Variants in CUX1 observed in about 807,000 individuals in gnomAD.
CUX1 encodes the protein protein CASP.
In CUX1, 31 loss-of-function variants were observed where a neutral mutation model predicts 158.8. The observed-to-expected ratio is 0.20, with a 90% confidence interval of 0.15 to 0.26. CUX1 has a LOEUF of 0.26. Among genes scored for constraint, CUX1 ranks in the 10% least tolerant of loss-of-function variants. The probability of loss-of-function intolerance (pLI) is 1.00; values close to 1 mark genes in which losing one functional copy is unlikely to be tolerated. For synonymous variants in CUX1, 879 were observed against 862.1 expected (o/e 1.02, Z -0.34); for missense variants, 1,589 against 2,014.6 (o/e 0.79, Z 4.04).
intron 1 of CUX1, among the ~76,000 whole-genome samples, chr7:101,836,399 A>T (rs771553696): frequency 6.6e-6 from 1 of 151,754 alleles, no homozygotes; most frequent in Non-Finnish European, 1.5e-5. Flanking sequence ...ATACAGTGAG[A>T]CCCCATCTCT....
intron 3 of CUX1, among the ~76,000 whole-genome samples, chr7:102,036,669 G>A (rs1186215062): frequency 1.3e-5 from 2 of 151,398 alleles, no homozygotes; most frequent in African/African-American, 2.4e-5. Context: ...TTGAACCCGG[G>A]AAGCAGAGGT....
At chr7:102,137,208 T>A (rs1304641043) in intron 8 of CUX1, among the ~76,000 whole-genome samples, 1 of 152,220 alleles carries the variant, frequency 6.6e-6, no homozygotes, top group Non-Finnish European at 1.5e-5. Flanking sequence ...CTCCAATGAT[T>A]TCCCCTCTGT....
intron 1 of CUX1, among the ~76,000 whole-genome samples, chr7:101,847,789 C>A (rs1375707811): frequency 6.6e-6 from 1 of 151,654 alleles, no homozygotes; most frequent in Non-Finnish European, 1.5e-5. Flanking sequence ...CTTTAAAGGC[C>A]AGGCATGGTG....
At chr7:101,969,982 C>CAAAAAA (rs34167642) in intron 2 of CUX1, among the ~76,000 whole-genome samples, 1 of 55,652 alleles carries the variant, frequency 1.8e-5, no homozygotes, top group African/African-American at 7.8e-5. Context: ...GAGTTAGCAC[C>CAAAAAA]AAAAAAAAAA....
chr7:101,836,351 G>A (rs1794628135), intron 1 of CUX1, among the ~76,000 whole-genome samples: 1 of 152,100 alleles, frequency 6.6e-6, no homozygotes, highest in South Asian at 2.1e-4. Flanking sequence ...CAGGCAGGTG[G>A]ATCGCTTGAG....
intron 20 of CUX1, among the ~76,000 whole-genome samples, chr7:102,212,599 C>T (rs1032866891): frequency 2.6e-5 from 4 of 152,190 alleles, no homozygotes; most frequent in African/African-American, 7.2e-5. Context: ...TTCAAACTTA[C>T]AGTCTTTTTA....
intron 8 of CUX1, among the ~76,000 whole-genome samples, chr7:102,143,762 G>T (rs380967): frequency 0.062 from 9,486 of 152,206 alleles, 357 homozygotes; most frequent in African/African-American, 0.072. Context: ...GCACAGGACG[G>T]CCACTTCTTC....
intron 21 of CUX1, among the ~76,000 whole-genome samples, chr7:102,229,042 G>A (rs1403165751): frequency 3.3e-5 from 5 of 152,200 alleles, no homozygotes; most frequent in Non-Finnish European, 7.3e-5. Context: ...CACCAGGCCC[G>A]ACTGGTAATA....
upstream of CUX1, among the ~76,000 whole-genome samples, chr7:101,816,574 G>A (rs1791825420): frequency 7.1e-6 from 1 of 140,926 alleles, no homozygotes; most frequent in Non-Finnish European, 1.6e-5. Flanking sequence ...GGTGGCGCCC[G>A]CCCGCCCGCT....
At chr7:101,895,902 G>GTTTTTTTTT (rs1193952295) in intron 1 of CUX1, among the ~76,000 whole-genome samples, 4 of 40,440 alleles carry the variant, frequency 9.9e-5, no homozygotes, top group African/African-American at 3.8e-4. Context: ...TTTTTTTTTT[G>GTTTTTTTTT]TTTTTGTTTT....
chr7:102,265,796 G>A (rs2132762239), intron 14 of CUX1, among the ~76,000 whole-genome samples: 1 of 152,182 alleles, frequency 6.6e-6, no homozygotes, highest in African/African-American at 2.4e-5. Context: ...GCAGAGGGAG[G>A]CCAATGAGGA....
At chr7:101,830,681 T>G (rs1562898463) in intron 1 of CUX1, among the ~76,000 whole-genome samples, 1 of 152,074 alleles carries the variant, frequency 6.6e-6, no homozygotes, top group African/African-American at 2.4e-5. Flanking sequence ...GGTCTCAAAC[T>G]CCTAGGCTCA....
At chr7:101,827,782 A>G (rs2130988009) in intron 1 of CUX1, among the ~76,000 whole-genome samples, 1 of 152,230 alleles carries the variant, frequency 6.6e-6, no homozygotes, top group East Asian at 1.9e-4. Context: ...AGTTGTAAGG[A>G]AGAGAGAATA....
chr7:102,110,549 G>A (rs1437443230), intron 6 of CUX1, among the ~76,000 whole-genome samples: 10 of 152,092 alleles, frequency 6.6e-5, no homozygotes, highest in Admixed American at 3.3e-4. Flanking sequence ...ACCCTATAAC[G>A]TGTTACATAG....
chr7:102,076,064 C>G (rs921345834), intron 4 of CUX1, among the ~76,000 whole-genome samples: 7 of 148,860 alleles, frequency 4.7e-5, no homozygotes, highest in Non-Finnish European at 7.4e-5. Flanking sequence ...TCTTCATCTT[C>G]CACCTTCTAT....
Position 101,943,078 on chromosome 7 carries a change from CTTTTTTTTTTT to C in CUX1, c.141+26868_141+26878del, listed in dbSNP as rs58332486. Among the ~76,000 whole-genome samples, 7 of 80,332 alleles carry C rather than the reference CTTTTTTTTTTT, an allele frequency of 8.7e-5. No homozygotes were observed. The Admixed American group carries it at 9.2e-4, about 11-fold the overall frequency. 52.7% of individuals were successfully genotyped at this position (80,332 alleles called of 152,430 possible). A position where few individuals can be genotyped will look rare whatever the true frequency, so the allele number is the denominator to read the frequency against. On this transcript the variant is annotated intron_variant, in intron 2 of 23. Transcript: ENST00000292535. ...ACTTTCCTCTCCATCCTGGTCAGTG[CTTTTTTTTTTT>C]TTTTTTTTTTTTTTACTTTTTCTTT...
intron 1 of CUX1, among the ~76,000 whole-genome samples, chr7:101,832,683 A>T (rs553000011): frequency 1.6e-4 from 25 of 152,346 alleles, no homozygotes; most frequent in Middle Eastern, 3.4e-3. Context: ...TTTCAAAATT[A>T]TGTAATTAAT....
intron 10 of CUX1, among the ~76,000 whole-genome samples, chr7:102,176,383 G>A (rs1191897726): frequency 6.6e-6 from 1 of 151,998 alleles, no homozygotes; most frequent in Admixed American, 6.6e-5. Flanking sequence ...CACTTCAGAG[G>A]GGGGACAGCG....
intron 11 of CUX1, among the ~76,000 whole-genome samples, chr7:102,179,822 G>A (rs1045064015): frequency 6.6e-6 from 1 of 152,226 alleles, no homozygotes; most frequent in Non-Finnish European, 1.5e-5. Context: ...TCCCTGCTCT[G>A]CCCGGGGGCT....
Sources: gnomAD v4.1 joint callset for allele counts (sites outside exome capture counted in the v4.1 genomes callset) on GRCh38, gnomAD v4.1.1 for gene constraint, MANE v1.5 for transcripts, NCBI Gene and HGNC (gene_info 2026-07-23, HGNC 2026-07-21) for gene names.